NTRK3: variants seen among roughly 807,000 people sequenced by gnomAD.
The protein encoded by NTRK3 is NT-3 growth factor receptor.
In NTRK3, 24 loss-of-function variants were observed where a neutral mutation model predicts 91.7. That is an observed-to-expected ratio of 0.26 (90% CI 0.19 to 0.37). The LOEUF is 0.37. NTRK3 is among the 10% of genes least tolerant of loss of function. NTRK3 has a pLI of 1.00. For missense variants in NTRK3, 880 were observed against 1,068.9 expected (o/e 0.82, Z 2.46); for synonymous variants, 483 against 404.0 (o/e 1.20, Z -2.34).
intron 13 of NTRK3, among the ~76,000 whole-genome samples, chr15:88,056,766 CAG>C (rs1319807373): frequency 6.6e-6 from 1 of 152,196 alleles, no homozygotes; most frequent in Non-Finnish European, 1.5e-5. Flanking sequence ...GGTGACTCCA[CAG>C]AGAGTCGACA....
At chr15:88,121,059 G>A (rs1413001339) in intron 13 of NTRK3, among the ~76,000 whole-genome samples, 1 of 152,022 alleles carries the variant, frequency 6.6e-6, no homozygotes, top group Non-Finnish European at 1.5e-5. Context: ...ATACTTATGA[G>A]GTGGTCAAGA....
chr15:88,068,510 G>A (rs149410863), intron 13 of NTRK3, among the ~76,000 whole-genome samples: 53 of 152,260 alleles, frequency 3.5e-4, no homozygotes, highest in Middle Eastern at 6.8e-3. Flanking sequence ...TACCAGCACT[G>A]GGCAGCTTCA....
chr15:88,056,192 ATATATATATATTTT>A (rs1054869240), intron 13 of NTRK3, among the ~76,000 whole-genome samples: 2 of 99,114 alleles, frequency 2.0e-5, no homozygotes, highest in East Asian at 2.4e-4. Flanking sequence ...ATATATATAT[ATATATATATATTTT>A]TTTTTTAATG....
chr15:88,248,078 G>A (rs963137403), intron 3 of NTRK3, among the ~76,000 whole-genome samples: 1 of 152,190 alleles, frequency 6.6e-6, no homozygotes, highest in Non-Finnish European at 1.5e-5. Flanking sequence ...AGCACCAGGG[G>A]CATAGTCCTG....
rs199734076 is a variant in NTRK3 at position 88,171,540 on chromosome 15, G to T, written c.395+11878C>A. Reference sequence around the variant, plus strand: ...CTGAGCACCCTTAATAAGGATCAAGGTTCTAAAATAGCTTCCAAGGTGTGG... The same window carrying T: ...CTGAGCACCCTTAATAAGGATCAAGTTTCTAAAATAGCTTCCAAGGTGTGG... On this transcript the variant is annotated intron_variant, in intron 5 of 18. Coordinates refer to ENST00000394480, the Ensembl canonical transcript of NTRK3. Among the ~76,000 whole-genome samples, 32 of 152,262 alleles carry T rather than the reference G, an allele frequency of 2.1e-4. No homozygotes were observed. In the East Asian group the frequency reaches 4.8e-3, roughly 23 times the overall value.
At chr15:88,036,750 A>G (rs1374863822) in intron 13 of NTRK3, among the ~76,000 whole-genome samples, 3 of 152,198 alleles carry the variant, frequency 2.0e-5, no homozygotes, top group Non-Finnish European at 4.4e-5. Flanking sequence ...AGAATTGTAG[A>G]CCACGGAATG....
intron 14 of NTRK3, chr15:87,979,217 A>G: frequency 1.3e-6 from 1 of 785,532 alleles, no homozygotes; most frequent in Non-Finnish European, 2.3e-6. Context: ...GTGCCGGGGC[A>G]CTGGTGGCTC....
chr15:88,114,886 G>T (rs1034042271), intron 13 of NTRK3, among the ~76,000 whole-genome samples: 3 of 152,094 alleles, frequency 2.0e-5, no homozygotes, highest in Admixed American at 2.0e-4. Flanking sequence ...GGTCTGCATT[G>T]TATTTATCAT....
At chr15:88,236,311 A>G (rs1598106911) in intron 3 of NTRK3, among the ~76,000 whole-genome samples, 1 of 152,302 alleles carries the variant, frequency 6.6e-6, no homozygotes, top group East Asian at 1.9e-4. Context: ...AACATTTTTG[A>G]CAAACAGATA....
chr15:88,226,985 C>G (rs1363701655), intron 3 of NTRK3, among the ~76,000 whole-genome samples: 1 of 152,210 alleles, frequency 6.6e-6, no homozygotes, highest in African/African-American at 2.4e-5. Context: ...TCTGCACATT[C>G]ACCTTTTCCA....
intron 14 of NTRK3, chr15:87,946,189 T>C (rs967205497): frequency 5.9e-5 from 9 of 152,174 alleles, no homozygotes; most frequent in African/African-American, 2.2e-4. Flanking sequence ...TCACCAGCTC[T>C]GTCTACGGCT....
rs185411644 is a variant in NTRK3, at chr15:87,913,543, T to C, written c.2133+15648A>G. On this transcript the variant is annotated intron_variant, in intron 17 of 18. Coordinates refer to ENST00000394480, the Ensembl canonical transcript of NTRK3. ...AGATGCAACCACCAAATTCTTCTCA[T>C]CACTCCACTCTGGGCAATCACCAGT... is the stretch of plus-strand genomic sequence containing the variant. Among the ~76,000 whole-genome samples the C allele has an allele frequency of 3.3e-5, 5 of 152,240 alleles. No individual in the cohort carries two copies. In the East Asian group the frequency reaches 9.7e-4, roughly 29 times the overall value.
chr15:88,030,488 T>C (rs1020148575), intron 14 of NTRK3, among the ~76,000 whole-genome samples: 2 of 152,154 alleles, frequency 1.3e-5, no homozygotes, highest in East Asian at 1.9e-4. Context: ...ACTGTGCGGA[T>C]AACCTGGTAT....
At chr15:88,188,527 A>G (rs2047133107) in intron 3 of NTRK3, among the ~76,000 whole-genome samples, 1 of 152,244 alleles carries the variant, frequency 6.6e-6, no homozygotes, top group Non-Finnish European at 1.5e-5. Context: ...ATCCTGCTTT[A>G]TTATATAAAG....
intron 6 of NTRK3, among the ~76,000 whole-genome samples, chr15:88,143,060 C>CAA (rs879687064): frequency 5.7e-5 from 8 of 139,948 alleles, no homozygotes; most frequent in African/African-American, 2.1e-4. Flanking sequence ...ACTAAAAATA[C>CAA]AAAAAAAAAA....
chr15:88,238,356 T>C (rs1438857010), intron 3 of NTRK3, among the ~76,000 whole-genome samples: 1 of 152,200 alleles, frequency 6.6e-6, no homozygotes, highest in Non-Finnish European at 1.5e-5. Flanking sequence ...AGTTTCATTA[T>C]AATAAAGAAA....
Position 88,233,494 on chromosome 15 carries a change from T to G in NTRK3, c.248+22412A>C, listed in dbSNP as rs2051395692. 6.6e-6 allele frequency among the ~76,000 whole-genome samples: 1 copy of G among 152,048 alleles called. No individual in the cohort carries two copies. Among genetic ancestry groups the G allele is most frequent in the South Asian group, 2.1e-4 (1 of 4,820 alleles). On this transcript the variant is annotated intron_variant, in intron 3 of 18. Transcript: ENST00000394480. This position sits in a 1 kb window ranked among gnomAD's most constrained non-coding sequence, Gnocchi z 4.2. ...CACACTGAAACCACAGTTAGCATCC[T>G]CGAAAGAGCAAATCCCAAGACCCTC...
rs116384344 is a variant in NTRK3, at chr15:88,194,627, C to T, written c.249-10328G>A. 9.0e-3 allele frequency among the ~76,000 whole-genome samples: 1,365 copies of T among 152,312 alleles called. 14 individuals are homozygous for T. Among genetic ancestry groups the T allele is most frequent in the African/African-American group, 0.031 (1,306 of 41,562 alleles). ...CAAAACATGACTACTGTTTCCACTG[C>T]GGCCCAATTAAAATCTGTCCTCCAC... On this transcript the variant is annotated intron_variant, in intron 3 of 18. Transcript: ENST00000394480.
chr15:88,200,947 C>T (rs779214783), intron 3 of NTRK3, among the ~76,000 whole-genome samples: 10 of 152,200 alleles, frequency 6.6e-5, no homozygotes, highest in East Asian at 1.9e-4. Context: ...AACAATGCAG[C>T]GAGCACACCA....
Sources: gnomAD v4.1 joint callset for allele counts (sites outside exome capture counted in the v4.1 genomes callset) on GRCh38, gnomAD v4.1.1 for gene constraint, Gnocchi (gnomAD v3.1) non-coding constraint, MANE v1.5 for transcripts, NCBI Gene and HGNC (gene_info 2026-07-23, HGNC 2026-07-21) for gene names.